Variants in MYH7B observed in about 807,000 individuals in gnomAD.
MYH7B encodes the protein myosin heavy chain 7B, also known as myosin-7B.
MYH7B carries 205 observed loss-of-function variants against 234.5 expected under a neutral mutation model. That is an observed-to-expected ratio of 0.87 (90% CI 0.78 to 0.98). MYH7B has a LOEUF of 0.98. MYH7B is among the 50% of genes least tolerant of loss of function. MYH7B has a pLI of 0.00. For missense variants in MYH7B, 2,652 were observed against 2,633.4 expected (o/e 1.01, Z -0.15); for synonymous variants, 1,193 against 1,105.0 (o/e 1.08, Z -1.58).
At chr20:34,995,308 A>G in intron 27 of MYH7B, 28 bp from the exon 28 acceptor site, 2 of 1,602,272 alleles carry the variant, frequency 1.2e-6, no homozygotes, top group Non-Finnish European at 1.7e-6. Flanking sequence ...CCCTCCCCCA[A>G]CCTGGCCCCG....
intron 5 of MYH7B, 42 bp downstream of exon 5, chr20:34,978,138 G>A (rs1202754880): frequency 6.2e-7 from 1 of 1,610,768 alleles, no homozygotes; most frequent in Non-Finnish European, 8.5e-7. Flanking sequence ...CCACAGAGAT[G>A]CCCTTATGGA....
At chr20:34,989,947 C>G in intron 20 of MYH7B, 28 bp downstream of exon 20, 1 of 1,612,748 alleles carries the variant, frequency 6.2e-7, no homozygotes, top group Non-Finnish European at 8.5e-7. Context: ...CCCCAGCCCT[C>G]GGCCAGGCTC....
At chr20:34,989,810 C>A (rs776871434) in exon 20 of MYH7B, 1 of 1,614,202 alleles carries the variant, frequency 6.2e-7, no homozygotes, top group South Asian at 1.1e-5. Flanking sequence ...AGCTTCCGGG[C>A]CAAGCTCTAC....
chr20:34,980,784 C>G, intron 8 of MYH7B, 50 bp downstream of exon 8: 1 of 1,596,630 alleles, frequency 6.3e-7, no homozygotes, highest in Non-Finnish European at 8.6e-7. Flanking sequence ...ACCTCGGTCC[C>G]GGGAGGCCTC....
intron 10 of MYH7B, among the ~76,000 whole-genome samples, chr20:34,984,309 A>G (rs775545672): frequency 5.9e-5 from 9 of 152,218 alleles, no homozygotes; most frequent in Non-Finnish European, 1.0e-4. Flanking sequence ...GCTTTGGAGC[A>G]GCCAGGAGGC....
intron 10 of MYH7B, 81 bp downstream of exon 10, chr20:34,982,636 C>G: frequency 8.0e-7 from 1 of 1,253,702 alleles, no homozygotes. Context: ...TTTTTTTTTC[C>G]CCCTTTTTAA....
chr20:34,985,996 C>T (rs1465536013), intron 13 of MYH7B, 104 bp from the exon 14 acceptor site: 28 of 962,688 alleles, frequency 2.9e-5, no homozygotes, highest in Non-Finnish European at 4.4e-5. Flanking sequence ...AGATGCAGCC[C>T]CCCTGCACAC....
chr20:34,980,915 T>G (rs1333772391), intron 8 of MYH7B, 118 bp from the exon 9 acceptor site: 13 of 1,514,660 alleles, frequency 8.6e-6, no homozygotes, highest in Non-Finnish European at 1.1e-5. Context: ...CCCCACCTGC[T>G]CCTTCCCATT....
At chr20:35,001,963 A>G (rs752673060) in exon 44 of MYH7B, 3 of 1,613,376 alleles carry the variant, frequency 1.9e-6, no homozygotes, top group Admixed American at 3.3e-5. Flanking sequence ...GCAGGCCAAC[A>G]CCAACCTGGC....
At chr20:34,998,873 A>G (rs1423059388) in exon 35 of MYH7B, 1 of 1,613,248 alleles carries the variant, frequency 6.2e-7, no homozygotes. Flanking sequence ...AGCAAGTACG[A>G]AGCAGATGCC....
At chr20:34,996,683 G>C in exon 30 of MYH7B, 1 of 1,613,646 alleles carries the variant, frequency 6.2e-7, no homozygotes, top group Non-Finnish European at 8.5e-7. Context: ...AAGCTGGAGG[G>C]TGACCTGAAG....
intron 26 of MYH7B, 145 bp from the exon 27 acceptor site, chr20:34,994,001 C>T (rs1269171330): frequency 2.7e-6 from 3 of 1,097,942 alleles, no homozygotes; most frequent in East Asian, 2.4e-5. Context: ...CTGTGGGCCT[C>T]CCCTCACCCT....
intron 1 of MYH7B, among the ~76,000 whole-genome samples, chr20:34,956,460 C>G (rs956815620): frequency 3.3e-5 from 5 of 152,252 alleles, no homozygotes; most frequent in African/African-American, 1.2e-4. Context: ...CTTGGCAGCC[C>G]CCAGGTGCCT....
At chr20:34,984,480 C>G (rs941216291) in intron 10 of MYH7B, among the ~76,000 whole-genome samples, 4 of 152,120 alleles carry the variant, frequency 2.6e-5, no homozygotes, top group Non-Finnish European at 5.9e-5. Context: ...GAGACTCTGG[C>G]TGGGGCTGTG....
At chr20:35,000,173 A>T in intron 38 of MYH7B, 120 bp from the exon 39 acceptor site, 1 of 1,261,218 alleles carries the variant, frequency 7.9e-7, no homozygotes, top group Non-Finnish European at 1.1e-6. Flanking sequence ...AAGAGACTTT[A>T]AATCGGGGAG....
At position 34,997,481 on chromosome 20, in the gene MYH7B, GGCGGCACT is replaced by G; in HGVS notation, c.3594_3601del (p.Leu1199GlnfsTer29). 6.5e-7 allele frequency: 1 copy of G among 1,544,112 alleles called. No homozygotes were observed. Among genetic ancestry groups the G allele is most frequent in the Admixed American group, 1.9e-5 (1 of 51,574 alleles). ...CGGCGCTGCGGCACGAGGCCACAGT[GGCGGCACT>G]GCGGCGCAAGCAGGCGGAGGGCGCG... is the stretch of plus-strand genomic sequence containing the variant. On this transcript the variant is annotated frameshift_variant, in exon 32 of 45. Transcript: ENST00000262873. LOFTEE classifies it high-confidence loss of function.
At position 34,959,274 on chromosome 20, in the gene MYH7B, C is replaced by T. The variant is rs1456299096; in HGVS notation, c.-222+1062C>T. Among the ~76,000 whole-genome samples, 20 of 152,096 alleles carry T rather than the reference C, an allele frequency of 1.3e-4. 1 individual carries two copies. Among genetic ancestry groups the T allele is most frequent in the Admixed American group, 1.3e-3 (20 of 15,268 alleles). ...GGGAACTTGCCCAGGGTCTTTTTGG[C>T]CCCAGGCCTTTGCTGGATCCTCACT... On this transcript the variant is annotated intron_variant, in intron 2 of 44. Coordinates refer to ENST00000262873, the Ensembl canonical transcript of MYH7B.
chr20:34,976,331 C>T (rs1441626437), intron 3 of MYH7B, among the ~76,000 whole-genome samples: 4 of 152,218 alleles, frequency 2.6e-5, no homozygotes, highest in Non-Finnish European at 4.4e-5. Flanking sequence ...GGGAGCGCAT[C>T]GGTCGGAGGA....
At chr20:34,980,598 T>C (rs2063153958) in exon 8 of MYH7B, 2 of 1,614,092 alleles carry the variant, frequency 1.2e-6, no homozygotes, top group Non-Finnish European at 1.7e-6. Flanking sequence ...GCCTCTTCTG[T>C]GTCACCATCA....
Sources: gnomAD v4.1 joint callset for allele counts (sites outside exome capture counted in the v4.1 genomes callset) on GRCh38, gnomAD v4.1.1 for gene constraint, MANE v1.5 for transcripts, NCBI Gene and HGNC (gene_info 2026-07-23, HGNC 2026-07-21) for gene names.